The following AGRN variants were observed in gnomAD, a reference collection of about 807,000 sequenced individuals.
AGRN encodes agrin proteoglycan.
Under a neutral mutation model 211.0 loss-of-function variants are expected in AGRN, and 106 were observed. The observed-to-expected ratio is 0.50, with a 90% CI of 0.43 to 0.59. AGRN has a LOEUF of 0.59. AGRN is among the 20% of genes least tolerant of loss of function. The pLI, the probability that AGRN is intolerant of heterozygous loss-of-function variation, is 0.00. For missense variants in AGRN, 3,040 were observed against 2,982.6 expected (o/e 1.02, Z -0.45); for synonymous variants, 1,525 against 1,332.5 (o/e 1.14, Z -3.15).
In AGRN at chr1:1,022,186, C is replaced by T. The variant is rs1423672685; in HGVS notation, c.202-15C>T. On this transcript the variant is annotated splice_polypyrimidine_tract_variant and intron_variant, in intron 1 of 35. Coordinates refer to ENST00000379370, the MANE Select transcript of AGRN (RefSeq NM_198576.4). Reference sequence around the variant, plus strand: ...AGGAGAGGACTAATGACACCTACCGCCATGTCCACCCCAGGTTCGGGTCTG... The same window carrying T: ...AGGAGAGGACTAATGACACCTACCGTCATGTCCACCCCAGGTTCGGGTCTG... The T allele has an allele frequency of 6.2e-7, 1 of 1,612,924 alleles. No individual in the cohort carries two copies. The highest frequency in any genetic ancestry group is 8.5e-7 in the Non-Finnish European group (1 of 1,179,984).
rs1179143190 is a variant in AGRN, at chr1:1,032,815, G to C, written c.464-2462G>C. On this transcript the variant is annotated intron_variant, in intron 2 of 35. Transcript: ENST00000379370. The surrounding 1 kb of genome is among the most constrained non-coding windows in gnomAD (Gnocchi z 4.7). The stretch of plus-strand genomic sequence containing the variant: ...CAGGGGTCCCTTCCAAAGGCTGCGG[G>C]TGGCCAGGGGTGTGCGGGGGCGCTG... Among the ~76,000 whole-genome samples, 2 of 152,160 alleles carry C rather than the reference G, an allele frequency of 1.3e-5. No homozygotes were observed. The highest frequency in any genetic ancestry group is 2.9e-5 in the Non-Finnish European group (2 of 68,012).
At chr1:1,035,416 T>C (rs1217401190) in intron 3 of AGRN, 92 bp downstream of exon 3, 3 of 1,517,878 alleles carry the variant, frequency 2.0e-6, no homozygotes, top group Non-Finnish European at 2.7e-6. Context: ...ACGTGTGGAG[T>C]GTGTCTGGAG....
intron 1 of AGRN, among the ~76,000 whole-genome samples, chr1:1,020,859 G>A (rs948518311): frequency 3.3e-5 from 5 of 150,264 alleles, no homozygotes; most frequent in East Asian, 2.0e-4. Flanking sequence ...GGGGGGGGGC[G>A]TGCAGGAGCA....
In AGRN at chr1:1,049,250, C is replaced by A; in HGVS notation, c.4313C>A (p.Ser1438Ter). 1.3e-6 allele frequency: 2 copies of A among 1,585,236 alleles called. No homozygotes were observed. The highest frequency in any genetic ancestry group is 1.7e-6 in the Non-Finnish European group (2 of 1,172,166). Reference sequence around the variant, plus strand: ...CCTGCCCTCAGGTTTGACACAGGTTCGGGGCCGGCGGTGCTGACCAGTGCC... The same window carrying A: ...CCTGCCCTCAGGTTTGACACAGGTTAGGGGCCGGCGGTGCTGACCAGTGCC... ...GRVQLRFDTGSGPAVLTSAVP... is the reference protein window; with the variant it reads ...GRVQLRFDTG The change falls in exon 25 of 36, where the codon TCG becomes TAG. Residue 1438 changes from serine to a stop codon, truncating the protein, a stop_gained. Coordinates refer to ENST00000379370, the MANE Select transcript of AGRN (RefSeq NM_198576.4). LOFTEE classifies it high-confidence loss of function.
Position 1,052,314 on chromosome 1 carries a change from GTGTC to G in AGRN, c.5651+503_5651+506del, listed in dbSNP as rs1412515168. 7 of 351,106 alleles carry G rather than the reference GTGTC, an allele frequency of 2.0e-5. No individual in the cohort carries two copies. The East Asian group carries it at 2.3e-4, about 11-fold the overall frequency. The allele number at this position is 351,106 out of a possible 1,614,324, so 21.7% of individuals were successfully genotyped here. Reference sequence around the variant, plus strand: ...CTTCCGCGTGTGTGAACATGCAGCTGTGTCTGTGCGTGTCTATGTATATGGAGTG... The same window carrying G: ...CTTCCGCGTGTGTGAACATGCAGCTGTGTGCGTGTCTATGTATATGGAGTG... On this transcript the variant is annotated intron_variant, in intron 33 of 35. Coordinates refer to ENST00000379370, the MANE Select transcript of AGRN (RefSeq NM_198576.4).
chr1:1,054,731 C>T, intron 35 of AGRN, 93 bp from the exon 36 acceptor site: 1 of 1,518,248 alleles, frequency 6.6e-7, no homozygotes, highest in Non-Finnish European at 8.8e-7. Flanking sequence ...GGCGGGTGCC[C>T]AGGTGTGGGC....
At position 1,046,807 on chromosome 1, in the gene AGRN, C is replaced by T. The variant is rs770438199; in HGVS notation, c.3251-13C>T. On this transcript the variant is annotated splice_polypyrimidine_tract_variant and intron_variant, in intron 18 of 35. Transcript: ENST00000379370. Reference sequence around the variant, plus strand: ...GCTCCACCAGAGCCTGGGCTCAGAGCGCGTCTCCCCAGGGCTCGAGCCCTT... The same window carrying T: ...GCTCCACCAGAGCCTGGGCTCAGAGTGCGTCTCCCCAGGGCTCGAGCCCTT... 48 of 1,576,992 alleles carry T rather than the reference C, an allele frequency of 3.0e-5. No homozygotes were observed. Among genetic ancestry groups the T allele is most frequent in the Admixed American group, 3.7e-5 (2 of 54,214 alleles).
At chr1:1,020,525 G>C in intron 1 of AGRN, 152 bp downstream of exon 1, 1 of 716,760 alleles carries the variant, frequency 1.4e-6, no homozygotes, top group Non-Finnish European at 2.0e-6. Context: ...GGGTCGCCGG[G>C]TCCCGGGAAA....
In AGRN at chr1:1,050,714, C is replaced by A; in HGVS notation, c.5142-12C>A. On this transcript the variant is annotated splice_polypyrimidine_tract_variant and intron_variant, in intron 29 of 35. Transcript: ENST00000379370. ...GTGGACAGAGCCCACTCACGCTGCC[C>A]CTCCTCACCAGGAGCAGGGAGCCAG... 1 of 1,600,534 alleles carries A rather than the reference C, an allele frequency of 6.2e-7. No homozygotes were observed. The highest frequency in any genetic ancestry group is 1.7e-5 in the Admixed American group (1 of 58,394).
Position 1,025,987 on chromosome 1 carries a change from G to A in AGRN, c.463+3525G>A, listed in dbSNP as rs113220637. Among the ~76,000 whole-genome samples the A allele has an allele frequency of 2.3e-3, 347 of 152,258 alleles. 6 individuals are homozygous for A. In the East Asian group the frequency reaches 0.05, roughly 22 times the overall value. ...TGGGCTTGCCCCTGCCTTGGCCTGG[G>A]GGGGGGCTTTGCTGGCTGAAACCAA... On this transcript the variant is annotated intron_variant, in intron 2 of 35. Coordinates refer to ENST00000379370, the MANE Select transcript of AGRN (RefSeq NM_198576.4).
rs1432505594 is a variant in AGRN, at chr1:1,043,923, C to T, written c.1899C>T (p.Gly633=). 1.9e-6 allele frequency: 3 copies of T among 1,609,542 alleles called. No homozygotes were observed. Among genetic ancestry groups the T allele is most frequent in the Non-Finnish European group, 2.5e-6 (3 of 1,179,616 alleles). ...ACCCCCCGCCCGGCCCCGTGTGTGGCAGCGACGGTGTCACCTACGGCAGTG... is the reference window on the plus strand; with the variant it reads ...ACCCCCCGCCCGGCCCCGTGTGTGGTAGCGACGGTGTCACCTACGGCAGTG... ...CEHPPPGPVC[G]SDGVTYGSAC... Residue 633 remains glycine, a synonymous_variant, in exon 10 of 36, where the codon GGC becomes GGT. Coordinates refer to ENST00000379370, the MANE Select transcript of AGRN (RefSeq NM_198576.4).
Position 1,049,698 on chromosome 1 carries a change from G to A in AGRN, c.4647G>A (p.Gly1549=), listed in dbSNP as rs1339885861. The change falls in exon 26 of 36, where the codon GGG becomes GGA. Residue 1549 remains glycine, a synonymous_variant. Coordinates refer to ENST00000379370, the MANE Select transcript of AGRN (RefSeq NM_198576.4). Reference sequence around the variant, plus strand: ...GAGGCTCTGGCGTGGGCGAGTGCGGGGACCACCCCTGCCTGCCCAACCCCT... The same window carrying A: ...GAGGCTCTGGCGTGGGCGAGTGCGGAGACCACCCCTGCCTGCCCAACCCCT... The part of the protein sequence containing the change: ...ATRGSGVGEC[G]DHPCLPNPCH... The A allele has an allele frequency of 6.3e-7, 1 of 1,575,634 alleles. No individual in the cohort carries two copies. The highest frequency in any genetic ancestry group is 8.6e-7 in the Non-Finnish European group (1 of 1,162,160).
At chr1:1,023,532 G>A (rs1217323743) in intron 2 of AGRN, among the ~76,000 whole-genome samples, 1 of 152,152 alleles carries the variant, frequency 6.6e-6, no homozygotes, top group African/African-American at 2.4e-5. Flanking sequence ...CTCATGGTCT[G>A]GGGAAAAGAT....
rs912845811 is a variant in AGRN at position 1,032,747 on chromosome 1, C to T, written c.464-2530C>T. 6.6e-5 allele frequency among the ~76,000 whole-genome samples: 10 copies of T among 152,134 alleles called. No homozygotes were observed. Among genetic ancestry groups the T allele is most frequent in the Non-Finnish European group, 1.3e-4 (9 of 68,008 alleles). ...GGAGCTGGGGCTTGGGGAATGGGGT[C>T]GGTCATTGCAGGGACAGAGGAGAGG... On this transcript the variant is annotated intron_variant, in intron 2 of 35. Transcript: ENST00000379370. This position sits in a 1 kb window ranked among gnomAD's most constrained non-coding sequence, Gnocchi z 4.7.
chr1:1,036,378 A>G (rs1644805662), intron 3 of AGRN, among the ~76,000 whole-genome samples: 1 of 151,798 alleles, frequency 6.6e-6, no homozygotes, highest in Non-Finnish European at 1.5e-5. Flanking sequence ...CTTCCCTCGG[A>G]GTGTGGAGTT....
At chr1:1,022,147 C>G (rs1644419375) in intron 1 of AGRN, 54 bp from the exon 2 acceptor site, 2 of 1,609,866 alleles carry the variant, frequency 1.2e-6, no homozygotes, top group Non-Finnish European at 1.7e-6. Context: ...AGCCCCCAGT[C>G]TAGCCCCTTC....
In AGRN at chr1:1,050,346, CA is replaced by C. The variant is rs368348742; in HGVS notation, c.4976+18del. The C allele has an allele frequency of 9.9e-4, 1,595 of 1,612,724 alleles. 12 individuals are homozygous for C. The African/African-American group carries it at 0.018, about 19-fold the overall frequency. ...GGACCTGGGGTCGGTGGGGCAGGAG[CA>C]GGGGGAAGGGCCGGCCCCCACCTCC... On this transcript the variant is annotated intron_variant, in intron 28 of 35. Coordinates refer to ENST00000379370, the MANE Select transcript of AGRN (RefSeq NM_198576.4).
At position 1,022,325 on chromosome 1, in the gene AGRN, C is replaced by A; in HGVS notation, c.326C>A (p.Thr109Asn). Reference sequence around the variant, plus strand: ...CTCATCTGTGACAACCAGGTGTCCACTGGGGACACCAGGATCTTCTTTGTG... The same window carrying A: ...CTCATCTGTGACAACCAGGTGTCCAATGGGGACACCAGGATCTTCTTTGTG... ...DPLICDNQVS[T>N]GDTRIFFVNP... The change falls in exon 2 of 36, where the codon ACT becomes AAT. Residue 109 changes from threonine to asparagine, a missense_variant. By Grantham distance (65) the Thr-to-Asn change is moderately conservative. Around this residue, in one of 3 missense-constraint regions of AGRN, gnomAD observed 1,498 missense variants for 1,457.8 expected, o/e 1.03. Transcript: ENST00000379370. 3 of 1,613,418 alleles carry A rather than the reference C, an allele frequency of 1.9e-6. No individual in the cohort carries two copies. The highest frequency in any genetic ancestry group is 2.5e-6 in the Non-Finnish European group (3 of 1,180,018).
At chr1:1,051,403 C>T (rs750624234) in intron 31 of AGRN, 34 bp downstream of exon 31, 12 of 631,844 alleles carry the variant, frequency 1.9e-5, no homozygotes, top group East Asian at 1.1e-4. Flanking sequence ...GCAGGGCCTC[C>T]GGGGCGGGCG....
Sources: gnomAD v4.1 joint callset for allele counts (sites outside exome capture counted in the v4.1 genomes callset) on GRCh38, gnomAD v4.1.1 for gene constraint, gnomAD v4.1.1 regional missense constraint, Gnocchi (gnomAD v3.1) non-coding constraint, MANE v1.5 for transcripts, NCBI Gene and HGNC (gene_info 2026-07-23, HGNC 2026-07-21) for gene names.